The following EPS15 variants were observed in gnomAD, a reference collection of about 807,000 sequenced individuals.
The protein encoded by EPS15 is epidermal growth factor receptor substrate 15.
A neutral mutation model predicts 113.8 loss-of-function variants in EPS15; 72 were observed. That is an observed-to-expected ratio of 0.63 (90% CI 0.52 to 0.77). The LOEUF is 0.77. EPS15 is among the 30% of genes least tolerant of loss of function. EPS15 has a pLI of 0.00. For synonymous variants in EPS15, 344 were observed against 363.4 expected, an observed-to-expected ratio of 0.95 and a Z score of 0.61; for missense variants, 1,048 against 1,045.8, an observed-to-expected ratio of 1.00 and a Z score of -0.03.
chr1:51,365,587 A>G (rs1646490534), intron 22 of EPS15, among the ~76,000 whole-genome samples: 1 of 152,232 alleles, frequency 6.6e-6, no homozygotes, highest in African/African-American at 2.4e-5. Context: ...TCAAGTAACC[A>G]ATACAGAGAG....
intron 1 of EPS15, among the ~76,000 whole-genome samples, chr1:51,505,418 A>C (rs1444654825): frequency 6.6e-6 from 1 of 152,264 alleles, no homozygotes; most frequent in Admixed American, 6.5e-5. Flanking sequence ...GAAGGCAGTC[A>C]TAAGAGTATA....
rs1189968646 is a variant in EPS15, at chr1:51,356,569, T to G, written c.*131A>C. The stretch of plus-strand genomic sequence containing the variant: ...GAAGAAAAAAAAAAAATCCTAAAAT[T>G]TTGTCACATTTACAGGAATCTCAAA... On this transcript the variant is annotated 3_prime_UTR_variant, in exon 25 of 25. Coordinates refer to ENST00000371733, the MANE Select transcript of EPS15 (RefSeq NM_001981.3). The G allele has an allele frequency of 1.4e-6, 1 of 719,964 alleles. No homozygotes were observed. The highest frequency in any genetic ancestry group is 2.1e-6 in the Non-Finnish European group (1 of 478,972). 44.6% of individuals were successfully genotyped at this position (719,964 alleles called of 1,614,324 possible).
intron 1 of EPS15, among the ~76,000 whole-genome samples, chr1:51,511,497 A>G (rs1332257136): frequency 6.6e-6 from 1 of 152,210 alleles, no homozygotes; most frequent in Non-Finnish European, 1.5e-5. Flanking sequence ...TCTCTCTCAA[A>G]AGTACTAAAA....
At chr1:51,463,466 A>G in intron 7 of EPS15, 3 of 416,078 alleles carry the variant, frequency 7.2e-6, no homozygotes, top group Non-Finnish European at 8.5e-6. Flanking sequence ...ATTCATTTCA[A>G]CCACTCATTT....
At chr1:51,494,483 T>C (rs762870234) in intron 1 of EPS15, among the ~76,000 whole-genome samples, 8 of 152,248 alleles carry the variant, frequency 5.3e-5, no homozygotes, top group Non-Finnish European at 1.0e-4. Flanking sequence ...GACACCAATA[T>C]AGCAAAATCC....
At chr1:51,409,982 T>C (rs1649545986) in intron 13 of EPS15, among the ~76,000 whole-genome samples, 1 of 150,654 alleles carries the variant, frequency 6.6e-6, no homozygotes, top group African/African-American at 2.4e-5. Flanking sequence ...AAATCTGTTT[T>C]AAGCTCAATC....
chr1:51,507,682 G>A (rs891128010), intron 1 of EPS15, among the ~76,000 whole-genome samples: 1 of 150,932 alleles, frequency 6.6e-6, no homozygotes, highest in Non-Finnish European at 1.5e-5. Flanking sequence ...AAGGAGAACA[G>A]AATAAAAAAT....
At chr1:51,377,563 T>TA (rs1454905827) in intron 21 of EPS15, among the ~76,000 whole-genome samples, 1 of 152,214 alleles carries the variant, frequency 6.6e-6, no homozygotes, top group Non-Finnish European at 1.5e-5. Context: ...GAAGATGCTG[T>TA]GAACATTGTT....
intron 5 of EPS15, among the ~76,000 whole-genome samples, chr1:51,466,190 T>A (rs1654830202): frequency 6.6e-6 from 1 of 150,980 alleles, no homozygotes; most frequent in African/African-American, 2.4e-5. Flanking sequence ...GAGTAAGCAA[T>A]CAAAATACAT....
intron 2 of EPS15, among the ~76,000 whole-genome samples, chr1:51,476,571 A>C (rs1369618755): frequency 6.6e-6 from 1 of 152,060 alleles, no homozygotes; most frequent in African/African-American, 2.4e-5. Flanking sequence ...TATTGCGTCT[A>C]TTTGATCCTT....
chr1:51,402,418 A>T lies in EPS15; in HGVS notation c.1882+17T>A. The T allele has an allele frequency of 7.2e-7, 1 of 1,381,980 alleles. No individual in the cohort carries two copies. Among genetic ancestry groups the T allele is most frequent in the Non-Finnish European group, 1.0e-6 (1 of 998,166 alleles). The allele number at this position is 1,381,980 out of a possible 1,614,324, so 85.6% of individuals were successfully genotyped here. A position where few individuals can be genotyped will look rare whatever the true frequency, so the allele number is the denominator to read the frequency against. On this transcript the variant is annotated intron_variant, in intron 18 of 24. Coordinates refer to ENST00000371733, the MANE Select transcript of EPS15 (RefSeq NM_001981.3). ...TTTTTTTGGGTAAATCTATAATATA[A>T]AAAAAAGAGTACTTACTGCCAACAA...
At chr1:51,517,696 T>C (rs1644749376) in intron 1 of EPS15, among the ~76,000 whole-genome samples, 1 of 152,110 alleles carries the variant, frequency 6.6e-6, no homozygotes, top group Non-Finnish European at 1.5e-5. Context: ...CAAACATACA[T>C]AACCAAGACT....
intron 12 of EPS15, among the ~76,000 whole-genome samples, chr1:51,428,826 C>CAA (rs902706524): frequency 0.059 from 3,100 of 52,506 alleles, 132 homozygotes; most frequent in Middle Eastern, 0.14. Context: ...GACTCCATCT[C>CAA]AAAAAAAAAA....
chr1:51,357,422 A>G (rs1304204055), intron 24 of EPS15, among the ~76,000 whole-genome samples: 1 of 71,072 alleles, frequency 1.4e-5, no homozygotes, highest in Non-Finnish European at 2.3e-5. Flanking sequence ...ATATATATAT[A>G]TATATTTTTT....
chr1:51,448,319 A>G (rs1653240602), intron 8 of EPS15, among the ~76,000 whole-genome samples, 184 bp from the exon 9 acceptor site: 1 of 152,082 alleles, frequency 6.6e-6, no homozygotes, highest in Admixed American at 6.6e-5. Flanking sequence ...GAAAGAAATA[A>G]AAACTAAGAA....
intron 8 of EPS15, among the ~76,000 whole-genome samples, chr1:51,452,044 G>T (rs1449768618): frequency 2.0e-5 from 3 of 151,418 alleles, no homozygotes; most frequent in Admixed American, 6.6e-5. Flanking sequence ...ACCAAACCCA[G>T]CTAATTTTTT....
At chr1:51,492,052 T>C (rs1274430876) in intron 1 of EPS15, among the ~76,000 whole-genome samples, 1 of 152,008 alleles carries the variant, frequency 6.6e-6, no homozygotes, top group Non-Finnish European at 1.5e-5. Context: ...TTTCACCATG[T>C]TGCCTAGGCT....
chr1:51,502,455 G>A lies in EPS15; in HGVS notation c.33+16744C>T, dbSNP rs138657483. 5.5e-3 allele frequency among the ~76,000 whole-genome samples: 842 copies of A among 152,144 alleles called. 3 individuals carry two copies. Among genetic ancestry groups the A allele is most frequent in the Non-Finnish European group, 9.5e-3 (643 of 68,008 alleles). On this transcript the variant is annotated intron_variant, in intron 1 of 24. Transcript: ENST00000371733. ...GTACAAGAAAAGGATGTCCACTCTT[G>A]CCACTTCTAATCATTATTATACTGG... is the stretch of plus-strand genomic sequence containing the variant.
chr1:51,394,312 G>C (rs1647686510), intron 21 of EPS15, 69 bp downstream of exon 21: 1 of 937,088 alleles, frequency 1.1e-6, no homozygotes, highest in South Asian at 1.7e-5. Context: ...AATATATTTA[G>C]AGACAAAGAA....
Sources: allele counts gnomAD v4.1 joint callset (sites outside exome capture counted in the v4.1 genomes callset), GRCh38; gene constraint gnomAD v4.1.1; transcripts MANE v1.5; gene names NCBI Gene and HGNC (gene_info 2026-07-23, HGNC 2026-07-21).